Variants in LRP1B observed in about 807,000 individuals in gnomAD.
LRP1B encodes the protein LDL receptor related protein 1B.
A neutral mutation model predicts 556.6 loss-of-function variants in LRP1B; 217 were observed. That is an observed-to-expected ratio of 0.39 (90% CI 0.35 to 0.44). The LOEUF (loss-of-function observed/expected upper bound fraction) is 0.44. Among genes scored for constraint, LRP1B ranks in the 20% least tolerant of loss-of-function variants. The pLI, the probability that LRP1B is intolerant of heterozygous loss-of-function variation, is 1.00. For synonymous variants in LRP1B, 2,047 were observed against 1,865.8 expected (o/e 1.10, Z -2.50); for missense variants, 5,053 against 5,620.8 (o/e 0.90, Z 3.23).
chr2:140,514,665 C>T lies in LRP1B; in HGVS notation c.8257G>A (p.Asp2753Asn), dbSNP rs755145650. 6.2e-7 allele frequency: 1 copy of T among 1,609,374 alleles called. No homozygotes were observed. The highest frequency in any genetic ancestry group is 8.5e-7 in the Non-Finnish European group (1 of 1,177,044). The change falls in exon 51 of 91, where the codon GAC (aspartate) becomes AAC (asparagine). Residue 2753 changes from aspartate (D) to asparagine (N), a missense_variant. By Grantham distance (23) the Asp-to-Asn change is conservative. Transcript: ENST00000389484. The part of the protein sequence containing the change: ...DDCGDGLDES[D>N]SICGAITCAA... Reference sequence around the variant, plus strand: ...ATACACAACTTACCACAAATGCTGTCACTTTCATCTAACCCATCCCCACAG... The same window carrying T: ...ATACACAACTTACCACAAATGCTGTTACTTTCATCTAACCCATCCCCACAG...
At chr2:142,005,572 AATTC>A (rs1346776107) in intron 1 of LRP1B, among the ~76,000 whole-genome samples, 1 of 152,206 alleles carries the variant, frequency 6.6e-6, no homozygotes, top group East Asian at 1.9e-4. Flanking sequence ...TTTGAGAAAG[AATTC>A]ATTATTAATT....
chr2:141,486,476 A>G (rs932468186), intron 2 of LRP1B, among the ~76,000 whole-genome samples: 1 of 152,162 alleles, frequency 6.6e-6, no homozygotes, highest in African/African-American at 2.4e-5. Context: ...AAATTGAGAT[A>G]GCATGTTTTG....
chr2:141,694,210 T>C (rs1033206747), intron 2 of LRP1B, among the ~76,000 whole-genome samples: 1 of 152,102 alleles, frequency 6.6e-6, no homozygotes, highest in African/African-American at 2.4e-5. Flanking sequence ...ACAACTTTGA[T>C]GTTCTTTCCA....
intron 6 of LRP1B, among the ~76,000 whole-genome samples, chr2:141,227,284 A>C (rs1360584781): frequency 6.6e-6 from 1 of 152,310 alleles, no homozygotes; most frequent in South Asian, 2.1e-4. Flanking sequence ...CTACTGCGCA[A>C]CTTAGTGAAT....
At chr2:142,101,176 T>C (rs1009416576) in intron 1 of LRP1B, among the ~76,000 whole-genome samples, 1 of 151,982 alleles carries the variant, frequency 6.6e-6, no homozygotes, top group African/African-American at 2.4e-5. Context: ...TCTCAAACAG[T>C]GGTGATTGCT....
At chr2:141,494,045 G>A (rs1401594729) in intron 2 of LRP1B, among the ~76,000 whole-genome samples, 18 of 152,074 alleles carry the variant, frequency 1.2e-4, no homozygotes, top group Non-Finnish European at 1.5e-4. Context: ...TCTCTTTGGT[G>A]GGCCATCTTC....
intron 2 of LRP1B, among the ~76,000 whole-genome samples, chr2:141,756,221 T>C (rs1694313464): frequency 6.6e-6 from 1 of 152,096 alleles, no homozygotes; most frequent in African/African-American, 2.4e-5. Flanking sequence ...ATGTTGATAT[T>C]TGAAAACAAG....
chr2:142,026,771 C>T (rs1357921436), intron 1 of LRP1B, among the ~76,000 whole-genome samples: 1 of 151,968 alleles, frequency 6.6e-6, no homozygotes, highest in African/African-American at 2.4e-5. Flanking sequence ...GAGATTAAAA[C>T]CTATACTTTG....
chr2:141,587,286 C>T (rs1308366834), intron 2 of LRP1B, among the ~76,000 whole-genome samples: 1 of 152,128 alleles, frequency 6.6e-6, no homozygotes, highest in Non-Finnish European at 1.5e-5. Flanking sequence ...TAGTCAACCA[C>T]ATAGGACAAT....
At chr2:140,545,338 C>A (rs1680290424) in intron 43 of LRP1B, among the ~76,000 whole-genome samples, 1 of 151,600 alleles carries the variant, frequency 6.6e-6, no homozygotes, top group Non-Finnish European at 1.5e-5. Flanking sequence ...GCTTTTGGTG[C>A]CTTTGTCATA....
chr2:141,123,251 T>TCA (rs369520581), intron 7 of LRP1B, among the ~76,000 whole-genome samples: 116 of 144,696 alleles, frequency 8.0e-4, no homozygotes, highest in African/African-American at 2.8e-3. Context: ...TAAAAAAAAA[T>TCA]AAATAAATAA....
intron 1 of LRP1B, among the ~76,000 whole-genome samples, chr2:142,086,772 G>A (rs951643048): frequency 6.6e-6 from 1 of 151,992 alleles, no homozygotes; most frequent in African/African-American, 2.4e-5. Context: ...AAAGTTAACT[G>A]AGTGTCCTAC....
chr2:140,949,105 C>G (rs1695629147), intron 20 of LRP1B, among the ~76,000 whole-genome samples: 1 of 152,084 alleles, frequency 6.6e-6, no homozygotes, highest in Admixed American at 6.6e-5. Context: ...TATATGATTC[C>G]CCTACCCCTC....
chr2:140,991,181 G>A (rs1331580122), intron 16 of LRP1B, among the ~76,000 whole-genome samples: 2 of 152,090 alleles, frequency 1.3e-5, no homozygotes, highest in Non-Finnish European at 2.9e-5. Context: ...GTATTAGAGA[G>A]CCAACAATTT....
chr2:141,229,537 A>T, intron 5 of LRP1B, 97 bp from the exon 6 acceptor site: 1 of 898,332 alleles, frequency 1.1e-6, no homozygotes, highest in East Asian at 2.7e-5. Context: ...TATACTTTTA[A>T]TAAATTCATA....
chr2:141,632,669 A>G (rs1688954628), intron 2 of LRP1B, among the ~76,000 whole-genome samples: 1 of 152,140 alleles, frequency 6.6e-6, no homozygotes, highest in Non-Finnish European at 1.5e-5. Flanking sequence ...TTGTTTTATA[A>G]TTCAACATAA....
At chr2:140,551,091 C>T (rs1421631808) in intron 43 of LRP1B, among the ~76,000 whole-genome samples, 6 of 152,184 alleles carry the variant, frequency 3.9e-5, no homozygotes, top group Non-Finnish European at 8.8e-5. Flanking sequence ...CTTGAACTCA[C>T]ATTTTCCAGC....
intron 7 of LRP1B, among the ~76,000 whole-genome samples, chr2:141,166,012 C>T (rs537664172): frequency 6.6e-6 from 1 of 152,080 alleles, no homozygotes; most frequent in African/African-American, 2.4e-5. Context: ...TGCAAGCAAC[C>T]TCTACCCATC....
intron 1 of LRP1B, among the ~76,000 whole-genome samples, chr2:142,103,244 GATTA>G (rs1261497777): frequency 1.3e-5 from 2 of 151,858 alleles, no homozygotes; most frequent in Non-Finnish European, 2.9e-5. Flanking sequence ...TAAATTATGA[GATTA>G]ATTTGTGTAA....
Sources: allele counts gnomAD v4.1 joint callset (sites outside exome capture counted in the v4.1 genomes callset), GRCh38; gene constraint gnomAD v4.1.1; transcripts MANE v1.5; gene names NCBI Gene and HGNC (gene_info 2026-07-23, HGNC 2026-07-21).